GDPD1: variants seen among roughly 807,000 people sequenced by gnomAD.
The protein encoded by GDPD1 is lysophospholipase D GDPD1.
A neutral mutation model predicts 45.1 loss-of-function variants in GDPD1; 28 were observed. That is an observed-to-expected ratio of 0.62 (90% confidence interval 0.46 to 0.85). The LOEUF is 0.85. GDPD1 is among the 40% of genes least tolerant of loss of function. GDPD1 has a pLI of 0.00. For missense variants in GDPD1, 256 were observed against 364.8 expected, an observed-to-expected ratio of 0.70 and a Z score of 2.43; for synonymous variants, 139 against 131.4, an observed-to-expected ratio of 1.06 and a Z score of -0.40.
intron 2 of GDPD1, among the ~76,000 whole-genome samples, chr17:59,238,805 A>G (rs1296402700): frequency 6.6e-6 from 1 of 152,196 alleles, no homozygotes; most frequent in Non-Finnish European, 1.5e-5. Context: ...GACACTCACT[A>G]GTTGCTTACT....
intron 5 of GDPD1, 135 bp from the exon 6 acceptor site, chr17:59,257,616 A>T (rs2047319308): frequency 1.7e-6 from 1 of 603,044 alleles, no homozygotes; most frequent in African/African-American, 2.0e-5. Context: ...AAATATTCTA[A>T]ATTTACATAT....
At chr17:59,252,405 A>G (rs2047261999) in intron 4 of GDPD1, among the ~76,000 whole-genome samples, 1 of 151,332 alleles carries the variant, frequency 6.6e-6, no homozygotes, top group Non-Finnish European at 1.5e-5. Flanking sequence ...CTCCCAGCTA[A>G]TTTTTGTATT....
chr17:59,268,637 TA>T (rs1338572326), intron 7 of GDPD1, among the ~76,000 whole-genome samples: 1 of 149,458 alleles, frequency 6.7e-6, no homozygotes, highest in African/African-American at 2.5e-5. Context: ...AACAGAACTT[TA>T]AAAAATCAAG....
chr17:59,255,850 T>TATATATATAC (rs1158828340), intron 4 of GDPD1, among the ~76,000 whole-genome samples: 10 of 74,312 alleles, frequency 1.3e-4, no homozygotes, highest in African/African-American at 7.1e-4. Context: ...TATATATATA[T>TATATATATAC]ACACACGTAT....
intron 1 of GDPD1, among the ~76,000 whole-genome samples, chr17:59,233,581 C>T (rs1300370450): frequency 6.6e-6 from 1 of 151,846 alleles, no homozygotes; most frequent in Non-Finnish European, 1.5e-5. Context: ...TAAACACCTG[C>T]CTTTTTTGTT....
chr17:59,224,457 A>G (rs1246602696), intron 1 of GDPD1, among the ~76,000 whole-genome samples: 1 of 152,032 alleles, frequency 6.6e-6, no homozygotes, highest in African/African-American at 2.4e-5. Flanking sequence ...CACCGTCGCT[A>G]CTAAAAATAC....
At chr17:59,261,740 C>T (rs1441064274) in intron 6 of GDPD1, among the ~76,000 whole-genome samples, 1 of 151,520 alleles carries the variant, frequency 6.6e-6, no homozygotes, top group Non-Finnish European at 1.5e-5. Context: ...CTCAAGTGAT[C>T]CTCCCACCTC....
intron 1 of GDPD1, among the ~76,000 whole-genome samples, chr17:59,229,071 A>G (rs369508124): frequency 8.8e-4 from 133 of 150,946 alleles, no homozygotes; most frequent in African/African-American, 3.1e-3. Flanking sequence ...CCACAAGTAG[A>G]AAATTCCTAG....
intron 3 of GDPD1, among the ~76,000 whole-genome samples, chr17:59,247,004 T>A (rs12943219): frequency 6.6e-6 from 1 of 151,660 alleles, no homozygotes. Context: ...CTGACCTCAG[T>A]TGATCCTCCT....
At chr17:59,244,672 C>A (rs1346413712) in intron 2 of GDPD1, among the ~76,000 whole-genome samples, 1 of 152,024 alleles carries the variant, frequency 6.6e-6, no homozygotes, top group Non-Finnish European at 1.5e-5. Flanking sequence ...TGCCTAATTG[C>A]TAGAGCTTTC....
At chr17:59,237,155 T>C (rs922538093) in intron 2 of GDPD1, among the ~76,000 whole-genome samples, 1 of 152,112 alleles carries the variant, frequency 6.6e-6, no homozygotes, top group Non-Finnish European at 1.5e-5. Flanking sequence ...TCCCAGCACT[T>C]TGGGAGGCCA....
chr17:59,244,000 G>A (rs1363357832), intron 2 of GDPD1, among the ~76,000 whole-genome samples: 1 of 151,984 alleles, frequency 6.6e-6, no homozygotes, highest in Non-Finnish European at 1.5e-5. Context: ...CTCCTCAGAA[G>A]AAAAAAATTG....
Position 59,270,761 on chromosome 17 carries a change from G to A in GDPD1, c.711-175G>A, listed in dbSNP as rs549861370. On this transcript the variant is annotated intron_variant, in intron 7 of 9. Transcript: ENST00000284116. ...TAGGGATGGCAAAAAGTTAGCTTGA[G>A]ACCAGTGCAAACAGAACCCAACTGG... Among the ~76,000 whole-genome samples the A allele has an allele frequency of 2.0e-5, 3 of 152,140 alleles. No homozygotes were observed. The South Asian group carries it at 6.2e-4, about 32-fold the overall frequency.
Position 59,231,672 on chromosome 17 carries a change from G to T in GDPD1, c.143-2820G>T, listed in dbSNP as rs1226691810. ...CAGTGATAAACAGAGGTGTGGGTGTGACCTTTTGTTCTTTTTTAAGTTTTT... is the reference window on the plus strand; with the variant it reads ...CAGTGATAAACAGAGGTGTGGGTGTTACCTTTTGTTCTTTTTTAAGTTTTT... On this transcript the variant is annotated intron_variant, in intron 1 of 9. Transcript: ENST00000284116. 2.6e-5 allele frequency among the ~76,000 whole-genome samples: 4 copies of T among 151,978 alleles called. No individual in the cohort carries two copies. In the East Asian group the frequency reaches 7.7e-4, roughly 29 times the overall value.
intron 6 of GDPD1, among the ~76,000 whole-genome samples, chr17:59,263,005 C>A (rs1568349689): frequency 6.6e-6 from 1 of 152,102 alleles, no homozygotes. Context: ...TACACACACA[C>A]AAATGAATGC....
chr17:59,252,695 CA>C (rs55764801), intron 4 of GDPD1, among the ~76,000 whole-genome samples: 95 of 145,182 alleles, frequency 6.5e-4, no homozygotes, highest in African/African-American at 8.8e-4. Context: ...GAGACTGTCT[CA>C]AAAAAAAAAA....
chr17:59,262,254 A>G (rs1019897791), intron 6 of GDPD1, among the ~76,000 whole-genome samples: 5 of 152,248 alleles, frequency 3.3e-5, no homozygotes, highest in African/African-American at 1.2e-4. Flanking sequence ...GCAGCCTTCC[A>G]TGTAAAATGA....
rs571958287 is a variant in GDPD1 at position 59,266,232 on chromosome 17, CA to C, written c.577-803del. Among the ~76,000 whole-genome samples, 20 of 150,816 alleles carry C rather than the reference CA, an allele frequency of 1.3e-4. No homozygotes were observed. The South Asian group carries it at 4.0e-3, about 30-fold the overall frequency. On this transcript the variant is annotated intron_variant, in intron 6 of 9. Transcript: ENST00000284116. ...TGAAACCACATCTCTACTAAAACTA[CA>C]AAAAATTAGCTGGGCATGGTGGTGT...
chr17:59,251,143 A>C (rs2147890615), intron 4 of GDPD1, among the ~76,000 whole-genome samples: 1 of 152,354 alleles, frequency 6.6e-6, no homozygotes, highest in East Asian at 1.9e-4. Flanking sequence ...AACTTGAACT[A>C]GGTCTCTATC....
Sources: allele counts gnomAD v4.1 joint callset (sites outside exome capture counted in the v4.1 genomes callset), GRCh38; gene constraint gnomAD v4.1.1; transcripts MANE v1.5; gene names NCBI Gene and HGNC (gene_info 2026-07-23, HGNC 2026-07-21).